DNAH10: variants seen among roughly 807,000 people sequenced by gnomAD.
DNAH10 encodes dynein axonemal heavy chain 10.
In DNAH10, 348 loss-of-function variants were observed where a neutral mutation model predicts 506.6. The observed-to-expected ratio is 0.69, with a 90% CI of 0.63 to 0.75. The LOEUF (loss-of-function observed/expected upper bound fraction) is 0.75. Among genes scored for constraint, DNAH10 ranks in the 30% least tolerant of loss-of-function variants. DNAH10 has a pLI of 0.00. For synonymous variants in DNAH10, 2,059 were observed against 2,198.6 expected (o/e 0.94, Z 1.78); for missense variants, 5,179 against 5,787.1 (o/e 0.89, Z 3.41).
Position 123,783,207 on chromosome 12 carries a change from A to C in DNAH10, c.942A>C (p.Ile314=). 6.2e-7 allele frequency: 1 copy of C among 1,614,206 alleles called. No individual in the cohort carries two copies. Among genetic ancestry groups the C allele is most frequent in the Non-Finnish European group, 8.5e-7 (1 of 1,180,040 alleles). ...TTGACATCTTGGAGCAGTGTGTGAT[A>C]AACTGGCTGAATCAGATATCCACAG... The part of the protein sequence containing the change: ...ETVDILEQCV[I]NWLNQISTAV... The change falls in exon 7 of 79, where the codon ATA becomes ATC. Residue 314 remains isoleucine, a synonymous_variant. Coordinates refer to ENST00000673944, the MANE Select transcript of DNAH10 (RefSeq NM_001372106.1).
At chr12:123,783,919 T>G (rs1330490572) in intron 7 of DNAH10, 28 bp from the exon 8 acceptor site, 28 of 1,594,758 alleles carry the variant, frequency 1.8e-5, no homozygotes, top group Non-Finnish European at 2.2e-5. Context: ...ATAATGAGAG[T>G]TCTTTGTGTG....
At chr12:123,776,007 T>G (rs1240488076) in intron 5 of DNAH10, among the ~76,000 whole-genome samples, 2 of 152,058 alleles carry the variant, frequency 1.3e-5, no homozygotes, top group African/African-American at 4.8e-5. Context: ...GAAAAGCCGC[T>G]TATAAAACCA....
chr12:123,784,558 C>T (rs1174374136), intron 8 of DNAH10, among the ~76,000 whole-genome samples: 2 of 152,088 alleles, frequency 1.3e-5, no homozygotes, highest in Admixed American at 1.3e-4. Flanking sequence ...AAAAAAACCT[C>T]AGAATTTAAA....
intron 46 of DNAH10, among the ~76,000 whole-genome samples, chr12:123,874,606 C>CCCATCCATCCATCCAT (rs111763952): frequency 7.4e-4 from 110 of 148,180 alleles, no homozygotes; most frequent in African/African-American, 2.7e-3. Flanking sequence ...CATCCATCTA[C>CCCATCCATCCATCCAT]CCATCCATCC....
At chr12:123,772,379 G>A (rs147197307) in intron 3 of DNAH10, among the ~76,000 whole-genome samples, 17 of 152,188 alleles carry the variant, frequency 1.1e-4, no homozygotes, top group South Asian at 2.1e-4. Flanking sequence ...CCTAAGAGCC[G>A]AAGGCCGGTT....
At chr12:123,817,099 CTT>C (rs755698934) in intron 21 of DNAH10, among the ~76,000 whole-genome samples, 10 of 87,034 alleles carry the variant, frequency 1.1e-4, no homozygotes, top group African/African-American at 1.7e-4. Context: ...TCCAGTCTAA[CTT>C]TTTTTTTTTT....
rs1953586682 is a variant in DNAH10, at chr12:123,902,833, C to CT, written c.9641-105dup. The stretch of plus-strand genomic sequence containing the variant: ...TTGGCCAGAGCCCCTTAGATCCCCG[C>CT]TAGGGCTCAAGCCAACCTTTGAGGA... On this transcript the variant is annotated intron_variant, in intron 56 of 78. Coordinates refer to ENST00000673944, the MANE Select transcript of DNAH10 (RefSeq NM_001372106.1). This position sits in a 1 kb window ranked among gnomAD's most constrained non-coding sequence, Gnocchi z 4.5. 2.9e-6 allele frequency: 4 copies of CT among 1,394,316 alleles called. No individual in the cohort carries two copies. 86.4% of individuals were successfully genotyped at this position (1,394,316 alleles called of 1,614,324 possible). A position where few individuals can be genotyped will look rare whatever the true frequency, so the allele number is the denominator to read the frequency against.
At chr12:123,933,294 C>T in intron 76 of DNAH10, 37 bp from the exon 77 acceptor site, 1 of 1,408,146 alleles carries the variant, frequency 7.1e-7, no homozygotes, top group Admixed American at 2.9e-5. Flanking sequence ...TGGATGGCAG[C>T]CCCAGGCTCC....
intron 54 of DNAH10, 150 bp from the exon 55 acceptor site, chr12:123,897,620 G>A (rs1247739920): frequency 2.7e-6 from 2 of 737,230 alleles, no homozygotes; most frequent in East Asian, 6.2e-5. Context: ...AGCTACTTGG[G>A]AGGCTGAGGT....
rs946795140 is a variant in DNAH10, at chr12:123,928,131, A to G, written c.12106-256A>G. ...GGGAGGAGCTGGGACTTCCAGGGCC[A>G]GGGAGGCAGATGAGTGCAAAATGCT... On this transcript the variant is annotated intron_variant, in intron 69 of 78. Coordinates refer to ENST00000673944, the MANE Select transcript of DNAH10 (RefSeq NM_001372106.1). The surrounding 1 kb of genome is among the most constrained non-coding windows in gnomAD (Gnocchi z 4.9). The G allele has an allele frequency of 3.5e-6, 2 of 572,638 alleles. No homozygotes were observed. The highest frequency in any genetic ancestry group is 5.8e-5 in the East Asian group (2 of 34,290). The allele number at this position is 572,638 out of a possible 1,614,324, so 35.5% of individuals were successfully genotyped here.
Position 123,881,769 on chromosome 12 carries a change from A to G in DNAH10, c.8779A>G (p.Lys2927Glu), listed in dbSNP as rs1441088491. 15 of 1,530,428 alleles carry G rather than the reference A, an allele frequency of 9.8e-6. No individual in the cohort carries two copies. The highest frequency in any genetic ancestry group is 1.3e-5 in the Non-Finnish European group (15 of 1,137,168). The allele number at this position is 1,530,428 out of a possible 1,614,324, so 94.8% of individuals were successfully genotyped here. A position where few individuals can be genotyped will look rare whatever the true frequency, so the allele number is the denominator to read the frequency against. Residue 2927 changes from lysine (K) to glutamate (E), a missense_variant, in exon 51 of 79, where the codon AAG (lysine) becomes GAG (glutamate). Transcript: ENST00000673944. ...ALLVGVGGSG[K>E]QSLSRLAAFT... ...GCTGGTCGGGGTAGGGGGCTCAGGG[A>G]AGCAGTCTCTTTCGAGGCTGGCTGC...
At position 123,804,983 on chromosome 12, in the gene DNAH10, C is replaced by T. The variant is rs1594069223; in HGVS notation, c.2930C>T (p.Ser977Phe). The T allele has an allele frequency of 2.5e-6, 4 of 1,614,208 alleles. No individual in the cohort carries two copies. In the East Asian group the frequency reaches 8.9e-5, roughly 36 times the overall value. ...ACAGGCAAGGCCCCCAAGCTGGCCTCCTACTACAAATACTGGGAAAAGAAA... is the reference window on the plus strand; with the variant it reads ...ACAGGCAAGGCCCCCAAGCTGGCCTTCTACTACAAATACTGGGAAAAGAAA... ...TNTGKAPKLA[S>F]YYKYWEKKIY... The change falls in exon 18 of 79, where the codon TCC (serine) becomes TTC (phenylalanine). Residue 977 changes from serine to phenylalanine, a missense_variant. Coordinates refer to ENST00000673944, the MANE Select transcript of DNAH10 (RefSeq NM_001372106.1).
chr12:123,914,439 G>A lies in DNAH10; in HGVS notation c.10463G>A (p.Arg3488His), dbSNP rs1157060583. The change falls in exon 61 of 79, where the codon CGT becomes CAT. Residue 3488 changes from arginine to histidine, a missense_variant. Physicochemically the swap from Arg to His is conservative, Grantham distance 29. Coordinates refer to ENST00000673944, the MANE Select transcript of DNAH10 (RefSeq NM_001372106.1). ...SYEGAFTWEF[R>H]DEMVNRIWQN... ...GAGGGAGCCTTCACCTGGGAGTTCC[G>A]TGACGAGATGGTCAATCGGATTTGG... 5.6e-6 allele frequency: 9 copies of A among 1,613,768 alleles called. No homozygotes were observed. The highest frequency in any genetic ancestry group is 5.5e-5 in the South Asian group (5 of 91,084).
chr12:123,811,430 C>G (rs965122218), intron 19 of DNAH10, among the ~76,000 whole-genome samples: 4 of 151,710 alleles, frequency 2.6e-5, no homozygotes, highest in African/African-American at 9.7e-5. Context: ...GTGAGTGATT[C>G]TCCTGCCTCA....
rs915680601 is a variant in DNAH10, at chr12:123,929,260, T to G, written c.12307-15T>G. ...CTGCGGTCTCCATCACTGTGTGTTT[T>G]CTTCTCTTCTGAAGGTTGTCACCGA... is the stretch of plus-strand genomic sequence containing the variant. On this transcript the variant is annotated splice_polypyrimidine_tract_variant and intron_variant, in intron 70 of 78. Transcript: ENST00000673944. 1.9e-6 allele frequency: 3 copies of G among 1,572,996 alleles called. No individual in the cohort carries two copies. In the African/African-American group the frequency reaches 4.1e-5, roughly 21 times the overall value.
rs556188909 is a variant in DNAH10 at position 123,808,126 on chromosome 12, T to G, written c.2988-671T>G. On this transcript the variant is annotated intron_variant, in intron 18 of 78. Transcript: ENST00000673944. ...TGGCTCACTGCAGCCTCAACCTCCCTGTCTCAAGCAATTCTCCCACTTCAG... is the reference window on the plus strand; with the variant it reads ...TGGCTCACTGCAGCCTCAACCTCCCGGTCTCAAGCAATTCTCCCACTTCAG... Among the ~76,000 whole-genome samples, 10 of 152,232 alleles carry G rather than the reference T, an allele frequency of 6.6e-5. No homozygotes were observed. In the East Asian group the frequency reaches 1.7e-3, roughly 26 times the overall value.
intron 3 of DNAH10, among the ~76,000 whole-genome samples, chr12:123,772,324 A>G (rs1481230071): frequency 6.6e-6 from 1 of 151,938 alleles, no homozygotes; most frequent in Non-Finnish European, 1.5e-5. Context: ...GTACACAAAG[A>G]CTCCCATATT....
chr12:123,837,252 G>A (rs1961254772), intron 28 of DNAH10, among the ~76,000 whole-genome samples: 1 of 151,268 alleles, frequency 6.6e-6, no homozygotes, highest in South Asian at 2.1e-4. Context: ...GCTGAGGTGG[G>A]AGGATCGCTT....
chr12:123,799,553 C>T lies in DNAH10; in HGVS notation c.2289+182C>T, dbSNP rs553853180. 3.9e-5 allele frequency among the ~76,000 whole-genome samples: 6 copies of T among 152,212 alleles called. No individual in the cohort carries two copies. In the South Asian group the frequency reaches 6.2e-4, roughly 16 times the overall value. On this transcript the variant is annotated intron_variant, in intron 14 of 78. Coordinates refer to ENST00000673944, the MANE Select transcript of DNAH10 (RefSeq NM_001372106.1). ...AGATGGCACGATGCCATGGCTAGGA[C>T]GCGGGCTGGAAACGGGCAGCCCTAC...
Sources: allele counts gnomAD v4.1 joint callset (sites outside exome capture counted in the v4.1 genomes callset), GRCh38; gene constraint gnomAD v4.1.1; non-coding constraint Gnocchi (gnomAD v3.1); transcripts MANE v1.5; gene names NCBI Gene and HGNC (gene_info 2026-07-23, HGNC 2026-07-21).